The following HSPG2 variants were observed in gnomAD, a reference collection of about 807,000 sequenced individuals.
HSPG2 encodes the protein basement membrane-specific heparan sulfate proteoglycan core protein.
A neutral mutation model predicts 526.6 loss-of-function variants in HSPG2; 278 were observed. The ratio of observed to expected loss-of-function variants is 0.53; its 90% CI spans 0.48 to 0.58. HSPG2 has a LOEUF of 0.58. Ranked by LOEUF, HSPG2 falls within the 20% of genes least tolerant of loss-of-function variation. HSPG2 has a pLI of 0.00. For synonymous variants in HSPG2, 2,465 were observed against 2,555.4 expected, an observed-to-expected ratio of 0.96 and a Z score of 1.07; for missense variants, 5,354 against 6,099.5, an observed-to-expected ratio of 0.88 and a Z score of 4.07.
chr1:21,836,730 T>G, intron 75 of HSPG2, 72 bp downstream of exon 75: 1 of 1,339,622 alleles, frequency 7.5e-7, no homozygotes. Flanking sequence ...CTGGGGCAGG[T>G]GCTTTAACTC....
rs1641429194 is a variant in HSPG2 at position 21,880,715 on chromosome 1, G to A, written c.1939C>T (p.Arg647Ter). 1 of 1,600,572 alleles carries A rather than the reference G, an allele frequency of 6.2e-7. No homozygotes were observed. Among genetic ancestry groups the A allele is most frequent in the Non-Finnish European group, 8.5e-7 (1 of 1,174,110 alleles). Reference sequence around the variant, plus strand: ...CCAGGTTGGGTGGGTGTGTGGCCTCGGGAGAGGAGGCGGTACCCGGCACCC... The same window carrying A: ...CCAGGTTGGGTGGGTGTGTGGCCTCAGGAGAGGAGGCGGTACCCGGCACCC... ...LMGAGYRLLS[R>*]GHTPTQPGAL... Residue 647 changes from arginine (R) to a stop codon, truncating the protein, a stop_gained, in exon 15 of 97, where the codon CGA (arginine) becomes TGA (stop). Transcript: ENST00000374695. LOFTEE classifies it high-confidence loss of function.
At position 21,847,478 on chromosome 1, in the gene HSPG2, G is replaced by A; in HGVS notation, c.8040C>T (p.His2680=). The A allele has an allele frequency of 6.2e-7, 1 of 1,613,766 alleles. No homozygotes were observed. The highest frequency in any genetic ancestry group is 8.5e-7 in the Non-Finnish European group (1 of 1,179,988). ...CCACAGACATTTGGTGCAACCGCAG[G>A]TGGGAGCCATGGGTCTGGACGTGCG... ...LPSRHQTHGS[H]LRLHQMSVAD... is the part of the protein sequence containing the mutation. The change falls in exon 62 of 97, where the codon CAC becomes CAT. Residue 2680 remains histidine (H), a synonymous_variant. Transcript: ENST00000374695. This position sits in a 1 kb window ranked among gnomAD's most constrained non-coding sequence, Gnocchi z 4.1.
At position 21,893,756 on chromosome 1, in the gene HSPG2, C is replaced by A. The variant is rs373962063; in HGVS notation, c.244+2166G>T. Among the ~76,000 whole-genome samples the A allele has an allele frequency of 1.2e-3, 176 of 150,302 alleles. No homozygotes were observed. Among genetic ancestry groups the A allele is most frequent in the African/African-American group, 4.1e-3 (166 of 40,718 alleles). ...AGCAGAGAGAGAGGCAGAGACATTGCAAGAGAGAGGGAGACACAAAGAGAC... is the reference window on the plus strand; with the variant it reads ...AGCAGAGAGAGAGGCAGAGACATTGAAAGAGAGAGGGAGACACAAAGAGAC... On this transcript the variant is annotated intron_variant, in intron 3 of 96. Coordinates refer to ENST00000374695, the MANE Select transcript of HSPG2 (RefSeq NM_005529.7). This position sits in a 1 kb window ranked among gnomAD's most constrained non-coding sequence, Gnocchi z 4.3.
intron 1 of HSPG2, among the ~76,000 whole-genome samples, chr1:21,916,648 C>T (rs535305272): frequency 1.3e-5 from 2 of 149,950 alleles, no homozygotes; most frequent in Non-Finnish European, 3.0e-5. Context: ...GCCGAGATTG[C>T]GCCATTGCAC....
At chr1:21,912,338 C>T (rs1643723465) in intron 1 of HSPG2, among the ~76,000 whole-genome samples, 1 of 152,124 alleles carries the variant, frequency 6.6e-6, no homozygotes, top group Non-Finnish European at 1.5e-5. Flanking sequence ...GGTGTAAGTA[C>T]CACTTCTTCC....
Position 21,853,797 on chromosome 1 carries a change from A to G in HSPG2, c.6439+396T>C, listed in dbSNP as rs748645045. 15 of 214,846 alleles carry G rather than the reference A, an allele frequency of 7.0e-5. No individual in the cohort carries two copies. The South Asian group carries it at 9.5e-4, about 14-fold the overall frequency. 13.3% of individuals were successfully genotyped at this position (214,846 alleles called of 1,614,324 possible). A position where few individuals can be genotyped will look rare whatever the true frequency, so the allele number is the denominator to read the frequency against. On this transcript the variant is annotated intron_variant, in intron 50 of 96. Transcript: ENST00000374695. ...AAAATAAAATAAAATAAAATAAAATAATAAAAAAACCACACCATGACCAAG... is the reference window on the plus strand; with the variant it reads ...AAAATAAAATAAAATAAAATAAAATGATAAAAAAACCACACCATGACCAAG...
rs1456863990 is a variant in HSPG2, at chr1:21,875,500, C to T, written c.3302+129G>A. 24 of 764,256 alleles carry T rather than the reference C, an allele frequency of 3.1e-5. 1 individual carries two copies. Among genetic ancestry groups the T allele is most frequent in the South Asian group, 2.3e-4 (16 of 69,618 alleles). The allele number at this position is 764,256 out of a possible 1,614,324, so 47.3% of individuals were successfully genotyped here. On this transcript the variant is annotated intron_variant, in intron 25 of 96. Coordinates refer to ENST00000374695, the MANE Select transcript of HSPG2 (RefSeq NM_005529.7). ...TATGGGAGACATTGTTAAGACTCTC[C>T]GTTTTACAGACAGGGAAAGTGAGGC... is the stretch of plus-strand genomic sequence containing the variant.
Position 21,850,721 on chromosome 1 carries a change from GAC to G in HSPG2, c.7159-225_7159-224del, listed in dbSNP as rs545271540. On this transcript the variant is annotated intron_variant, in intron 55 of 96. Transcript: ENST00000374695. Reference sequence around the variant, plus strand: ...CTCACACCACATCCCATCAATTCTAGACACACATTTCGATGTCTCCAAAATCA... The same window carrying G: ...CTCACACCACATCCCATCAATTCTAGACACATTTCGATGTCTCCAAAATCA... Among the ~76,000 whole-genome samples, 247 of 152,290 alleles carry G rather than the reference GAC, an allele frequency of 1.6e-3. 1 individual carries two copies. The highest frequency in any genetic ancestry group is 2.9e-3 in the Non-Finnish European group (197 of 68,024).
At position 21,835,575 on chromosome 1, in the gene HSPG2, C is replaced by T; in HGVS notation, c.10418G>A (p.Gly3473Glu). Residue 3473 changes from glycine to glutamate, a missense_variant, in exon 76 of 97, where the codon GGG (glycine) becomes GAG (glutamate). Physicochemically the swap from Gly to Glu is moderately conservative, Grantham distance 98. Coordinates refer to ENST00000374695, the MANE Select transcript of HSPG2 (RefSeq NM_005529.7). Reference protein sequence around the residue: ...TYICQAHGPWGKAQASAQLVI... With the variant: ...TYICQAHGPWEKAQASAQLVI... ...CAGCTGGGCACTGGCCTGGGCCTTC[C>T]CCCAAGGTCCATGGGCCTGGCATAT... 1 of 1,614,094 alleles carries T rather than the reference C, an allele frequency of 6.2e-7. No individual in the cohort carries two copies. The highest frequency in any genetic ancestry group is 1.7e-5 in the Admixed American group (1 of 60,030).
chr1:21,829,904 C>G lies in HSPG2; in HGVS notation c.11770+89G>C, dbSNP rs1016376656. On this transcript the variant is annotated intron_variant, in intron 86 of 96. Transcript: ENST00000374695. ...CTGGCTTGGGAATCGTTTTATCATC[C>G]GTAGGGCCCATCATGGCCTCAGAGT... 2.7e-6 allele frequency: 3 copies of G among 1,109,860 alleles called. No homozygotes were observed. In the African/African-American group the frequency reaches 4.6e-5, roughly 17 times the overall value. 68.8% of individuals were successfully genotyped at this position (1,109,860 alleles called of 1,614,324 possible).
chr1:21,848,211 G>T lies in HSPG2; in HGVS notation c.7738-118C>A. 8.1e-7 allele frequency: 1 copy of T among 1,227,788 alleles called. No homozygotes were observed. The highest frequency in any genetic ancestry group is 1.2e-6 in the Non-Finnish European group (1 of 868,014). The allele number at this position is 1,227,788 out of a possible 1,614,324, so 76.1% of individuals were successfully genotyped here. ...GCCTCCCTGCCTTGCCTCCTCAGTG[G>T]CCTTCGTGAAGCTCCCAGCATGGCA... On this transcript the variant is annotated intron_variant, in intron 59 of 96. Transcript: ENST00000374695. This position sits in a 1 kb window ranked among gnomAD's most constrained non-coding sequence, Gnocchi z 4.9.
intron 65 of HSPG2, 146 bp from the exon 66 acceptor site, chr1:21,843,584 AGGGCATGTTTATTATGAT>A: frequency 1.3e-6 from 1 of 775,094 alleles, no homozygotes; most frequent in East Asian, 2.7e-5. Flanking sequence ...CGCATTGTGG[AGGGCATGTTTATTATGAT>A]GGTTTCTCCG....
At chr1:21,866,918 G>A (rs1640270360) in intron 33 of HSPG2, among the ~76,000 whole-genome samples, 1 of 152,154 alleles carries the variant, frequency 6.6e-6, no homozygotes, top group Non-Finnish European at 1.5e-5. Context: ...GCATGGTAAG[G>A]AATTTTGGAG....
rs545909305 is a variant in HSPG2, at chr1:21,859,468, C to T, written c.5293+98G>A. 4.0e-4 allele frequency: 370 copies of T among 929,452 alleles called. 2 individuals are homozygous for T. The South Asian group carries it at 4.9e-3, about 12-fold the overall frequency. The allele number at this position is 929,452 out of a possible 1,614,324, so 57.6% of individuals were successfully genotyped here. A position where few individuals can be genotyped will look rare whatever the true frequency, so the allele number is the denominator to read the frequency against. Reference sequence around the variant, plus strand: ...GCTGACCTTGTTCGGGCAACCACTGCCCCCTCCCAGCAGGTGAATGCACCA... The same window carrying T: ...GCTGACCTTGTTCGGGCAACCACTGTCCCCTCCCAGCAGGTGAATGCACCA... On this transcript the variant is annotated intron_variant, in intron 42 of 96. Coordinates refer to ENST00000374695, the MANE Select transcript of HSPG2 (RefSeq NM_005529.7). The surrounding 1 kb of genome is among the most constrained non-coding windows in gnomAD (Gnocchi z 5.3).
chr1:21,823,394 G>C lies in HSPG2; in HGVS notation c.13098C>G (p.Pro4366=), dbSNP rs759562639. The part of the protein sequence containing the change: ...VKNLVLHSAR[P]GAPPPQPLDL... ...CCAGGGGCTGTGGGGGCGGGGCGCCGGGTCGGGCCGAGTGCAGCACCAGGT... is the reference window on the plus strand; with the variant it reads ...CCAGGGGCTGTGGGGGCGGGGCGCCCGGTCGGGCCGAGTGCAGCACCAGGT... Residue 4366 remains proline (P), a synonymous_variant, in exon 97 of 97, where the codon CCC becomes CCG. Coordinates refer to ENST00000374695, the MANE Select transcript of HSPG2 (RefSeq NM_005529.7). 1.3e-6 allele frequency: 2 copies of C among 1,562,842 alleles called. No homozygotes were observed. The highest frequency in any genetic ancestry group is 1.7e-6 in the Non-Finnish European group (2 of 1,158,956).
chr1:21,905,730 G>GA (rs1422050576), intron 1 of HSPG2, among the ~76,000 whole-genome samples: 1 of 152,178 alleles, frequency 6.6e-6, no homozygotes, highest in Non-Finnish European at 1.5e-5. Flanking sequence ...CAATAAGAGT[G>GA]AAAATCCATC....
intron 13 of HSPG2, among the ~76,000 whole-genome samples, chr1:21,883,290 A>G (rs1378571033): frequency 1.3e-5 from 2 of 152,208 alleles, no homozygotes; most frequent in Non-Finnish European, 2.9e-5. Flanking sequence ...TTGTAAATAT[A>G]CTGGGGGACA....
chr1:21,931,973 T>TG (rs1644361863), intron 1 of HSPG2, among the ~76,000 whole-genome samples: 1 of 152,134 alleles, frequency 6.6e-6, no homozygotes, highest in South Asian at 2.1e-4. Context: ...CACTCAGGCC[T>TG]AAAAGTCCCT....
At position 21,839,309 on chromosome 1, in the gene HSPG2, G is replaced by A; in HGVS notation, c.9889+62C>T. The A allele has an allele frequency of 6.4e-7, 1 of 1,572,936 alleles. No homozygotes were observed. Among genetic ancestry groups the A allele is most frequent in the South Asian group, 1.1e-5 (1 of 90,080 alleles). ...GGGTTCCTGGGGTTCTGTGTGGGGT[G>A]GAGCCTAGTCGGGGGGCTCAGATCT... On this transcript the variant is annotated intron_variant, in intron 73 of 96. Coordinates refer to ENST00000374695, the MANE Select transcript of HSPG2 (RefSeq NM_005529.7). This position sits in a 1 kb window ranked among gnomAD's most constrained non-coding sequence, Gnocchi z 4.5.
Sources: allele counts gnomAD v4.1 joint callset (sites outside exome capture counted in the v4.1 genomes callset), GRCh38; gene constraint gnomAD v4.1.1; non-coding constraint Gnocchi (gnomAD v3.1); transcripts MANE v1.5; gene names NCBI Gene and HGNC (gene_info 2026-07-23, HGNC 2026-07-21).